Variants in RANBP17 observed in about 807,000 individuals in gnomAD.
RANBP17 encodes the protein ran-binding protein 17.
In RANBP17, 158 loss-of-function variants were observed where a neutral mutation model predicts 141.2. The ratio of observed to expected loss-of-function variants is 1.12; its 90% confidence interval spans 0.98 to 1.28. RANBP17 has a LOEUF of 1.28. Ranked by LOEUF, RANBP17 falls within the 50% of genes most tolerant of loss-of-function variation. The pLI, the probability that RANBP17 is intolerant of heterozygous loss-of-function variation, is 0.00. For missense variants in RANBP17, 1,438 were observed against 1,290.7 expected, an observed-to-expected ratio of 1.11 and a Z score of -1.75; for synonymous variants, 430 against 450.0, an observed-to-expected ratio of 0.96 and a Z score of 0.56.
intron 14 of RANBP17, among the ~76,000 whole-genome samples, chr5:171,106,234 C>T (rs1754825953): frequency 6.6e-6 from 1 of 152,132 alleles, no homozygotes; most frequent in African/African-American, 2.4e-5. Context: ...GTACTTTCCT[C>T]AGGCTTGGGG....
chr5:170,967,549 A>G (rs914232038), intron 13 of RANBP17, among the ~76,000 whole-genome samples: 1 of 151,146 alleles, frequency 6.6e-6, no homozygotes, highest in African/African-American at 2.4e-5. Context: ...TTTTCATTAT[A>G]TTGAATTAAG....
intron 14 of RANBP17, among the ~76,000 whole-genome samples, chr5:171,064,159 G>T (rs556999545): frequency 6.6e-6 from 1 of 152,198 alleles, no homozygotes; most frequent in Non-Finnish European, 1.5e-5. Context: ...CACACGGTGC[G>T]CTGCACCCAC....
At chr5:170,933,008 C>T (rs544683656) in intron 12 of RANBP17, among the ~76,000 whole-genome samples, 3 of 152,164 alleles carry the variant, frequency 2.0e-5, no homozygotes, top group African/African-American at 7.2e-5. Flanking sequence ...CTTTGTACCT[C>T]TGGTAGAATT....
chr5:171,095,706 C>A (rs1213007689), intron 14 of RANBP17, among the ~76,000 whole-genome samples: 1 of 152,034 alleles, frequency 6.6e-6, no homozygotes, highest in Non-Finnish European at 1.5e-5. Context: ...GTATAAAGAT[C>A]AGATGAAATA....
chr5:171,220,846 T>C (rs961957845), intron 21 of RANBP17, among the ~76,000 whole-genome samples: 2 of 152,242 alleles, frequency 1.3e-5, no homozygotes, highest in African/African-American at 4.8e-5. Flanking sequence ...TAGAATTTAA[T>C]GCAAATTATG....
chr5:171,161,680 G>A (rs1002623224), intron 14 of RANBP17, among the ~76,000 whole-genome samples: 3 of 152,108 alleles, frequency 2.0e-5, no homozygotes, highest in Admixed American at 2.0e-4. Context: ...AGTATTAGCT[G>A]CAAAGCCTAT....
chr5:171,054,526 C>G (rs888278546), intron 14 of RANBP17, among the ~76,000 whole-genome samples: 12 of 152,116 alleles, frequency 7.9e-5, no homozygotes, highest in Non-Finnish European at 7.4e-5. Flanking sequence ...TTATAATTAG[C>G]ATATAAAGAG....
chr5:171,149,062 A>T (rs937073270), intron 14 of RANBP17, among the ~76,000 whole-genome samples: 7 of 152,184 alleles, frequency 4.6e-5, no homozygotes, highest in African/African-American at 1.7e-4. Context: ...ACCTAACCAT[A>T]GGTTCTGTAG....
Position 171,026,553 on chromosome 5 carries a change from ATATATTCATTAATTAATAATT to A in RANBP17, c.1710+58185_1710+58205del, listed in dbSNP as rs373308709. Among the ~76,000 whole-genome samples the A allele has an allele frequency of 2.6e-3, 392 of 152,324 alleles. 1 individual carries two copies. Among genetic ancestry groups the A allele is most frequent in the African/African-American group, 8.4e-3 (350 of 41,570 alleles). On this transcript the variant is annotated intron_variant, in intron 14 of 27. Coordinates refer to ENST00000523189, the MANE Select transcript of RANBP17 (RefSeq NM_022897.5). ...AGTTAGTATCTAGACATACCAGCTT[ATATATTCATTAATTAATAATT>A]TATATTCACACAATGATTGTAGAAA...
chr5:171,238,470 G>A (rs927885502), intron 22 of RANBP17, among the ~76,000 whole-genome samples: 2 of 152,032 alleles, frequency 1.3e-5, no homozygotes, highest in African/African-American at 4.8e-5. Flanking sequence ...TTCATCTGTT[G>A]CTACAGAATA....
intron 14 of RANBP17, among the ~76,000 whole-genome samples, chr5:171,099,541 T>C (rs1786977248): frequency 6.6e-6 from 1 of 152,220 alleles, no homozygotes; most frequent in Non-Finnish European, 1.5e-5. Context: ...AATCATGTCA[T>C]CTGCAAACAA....
chr5:171,007,849 A>T (rs1779759843), intron 14 of RANBP17, among the ~76,000 whole-genome samples: 3 of 152,212 alleles, frequency 2.0e-5, no homozygotes, highest in Middle Eastern at 3.4e-3. Flanking sequence ...CAGGCTAAGG[A>T]GAAGAAGGAG....
Position 171,086,780 on chromosome 5 carries a change from G to C in RANBP17, c.1711-83350G>C, listed in dbSNP as rs1785697528. 2.7e-5 allele frequency among the ~76,000 whole-genome samples: 4 copies of C among 148,294 alleles called. No homozygotes were observed. In the South Asian group the frequency reaches 8.7e-4, roughly 32 times the overall value. On this transcript the variant is annotated intron_variant, in intron 14 of 27. Transcript: ENST00000523189. ...GTGTTTGTAGTATTCCCTGATGGTA[G>C]TTTGTATTTCTGTGGGATCGGTGGT...
At chr5:171,061,577 T>A (rs1223753859) in intron 14 of RANBP17, among the ~76,000 whole-genome samples, 1 of 152,180 alleles carries the variant, frequency 6.6e-6, no homozygotes, top group African/African-American at 2.4e-5. Flanking sequence ...GAGCTTTACT[T>A]CCAACTATGT....
At chr5:170,879,803 CAAGT>C in intron 2 of RANBP17, among the ~76,000 whole-genome samples, 1 of 152,172 alleles carries the variant, frequency 6.6e-6, no homozygotes, top group East Asian at 1.9e-4. Flanking sequence ...TGTGAGGAGA[CAAGT>C]AAGGATATTG....
intron 14 of RANBP17, among the ~76,000 whole-genome samples, chr5:171,064,053 G>A (rs1784120637): frequency 6.6e-6 from 1 of 152,244 alleles, no homozygotes; most frequent in Non-Finnish European, 1.5e-5. Flanking sequence ...CGATTTTCCA[G>A]GTGCTGTTTG....
At chr5:171,040,880 T>G in intron 14 of RANBP17, among the ~76,000 whole-genome samples, 1 of 152,168 alleles carries the variant, frequency 6.6e-6, no homozygotes, top group East Asian at 1.9e-4. Flanking sequence ...AAAATCATAT[T>G]CTATTTCACA....
At chr5:171,250,555 T>A (rs1005261608) in intron 24 of RANBP17, among the ~76,000 whole-genome samples, 1 of 150,748 alleles carries the variant, frequency 6.6e-6, no homozygotes, top group Non-Finnish European at 1.5e-5. Flanking sequence ...TGAACTGATT[T>A]AAAAAAAAAA....
chr5:170,975,482 C>A (rs1422123405), intron 14 of RANBP17, among the ~76,000 whole-genome samples: 1 of 152,142 alleles, frequency 6.6e-6, no homozygotes, highest in Admixed American at 6.5e-5. Flanking sequence ...GCCGAGATTG[C>A]GCCACTGCAC....
Sources: gnomAD v4.1 joint callset for allele counts (sites outside exome capture counted in the v4.1 genomes callset) on GRCh38, gnomAD v4.1.1 for gene constraint, MANE v1.5 for transcripts, NCBI Gene and HGNC (gene_info 2026-07-23, HGNC 2026-07-21) for gene names.